Variants in SRPK2 observed in about 807,000 individuals in gnomAD.
The protein encoded by SRPK2 is SFRS protein kinase 2.
A neutral mutation model predicts 90.8 loss-of-function variants in SRPK2; 21 were observed. The observed-to-expected ratio is 0.23, with a 90% CI of 0.16 to 0.33. SRPK2 has a LOEUF of 0.33. Ranked by LOEUF, SRPK2 falls within the 10% of genes least tolerant of loss-of-function variation. The probability of loss-of-function intolerance (pLI) is 1.00; values close to 1 mark genes in which losing one functional copy is unlikely to be tolerated. For synonymous variants in SRPK2, 288 were observed against 311.1 expected (o/e 0.93, Z 0.78); for missense variants, 620 against 869.0 (o/e 0.71, Z 3.60).
intron 3 of SRPK2, among the ~76,000 whole-genome samples, chr7:105,199,516 G>A (rs141602533): frequency 1.3e-5 from 2 of 152,290 alleles, no homozygotes; most frequent in African/African-American, 2.4e-5. Context: ...AATCAACAAA[G>A]GATGTCAGAG....
At chr7:105,263,069 G>T (rs1804535925) in intron 2 of SRPK2, among the ~76,000 whole-genome samples, 1 of 152,194 alleles carries the variant, frequency 6.6e-6, no homozygotes, top group Non-Finnish European at 1.5e-5. Flanking sequence ...GCTCACACCT[G>T]TAATCCTAGC....
At chr7:105,122,320 T>G (rs1800502318) in intron 15 of SRPK2, among the ~76,000 whole-genome samples, 1 of 152,210 alleles carries the variant, frequency 6.6e-6, no homozygotes, top group Non-Finnish European at 1.5e-5. Flanking sequence ...AATTTATACT[T>G]AAACTTTCAC....
At chr7:105,198,127 G>A (rs868015080) in intron 3 of SRPK2, among the ~76,000 whole-genome samples, 5 of 152,204 alleles carry the variant, frequency 3.3e-5, no homozygotes, top group Non-Finnish European at 7.3e-5. Flanking sequence ...GATACATGCA[G>A]ACCTTAGAAT....
rs2129570883 is a variant in SRPK2 at position 105,117,777 on chromosome 7, C to T, written c.*61G>A. On this transcript the variant is annotated 3_prime_UTR_variant, in exon 16 of 16. Transcript: ENST00000393651. ...AATCCTGTTAAAGAATGAGAGTCACCGTTTAGGTCCAATGTACTGGGAACA... is the reference window on the plus strand; with the variant it reads ...AATCCTGTTAAAGAATGAGAGTCACTGTTTAGGTCCAATGTACTGGGAACA... 1.9e-6 allele frequency: 3 copies of T among 1,553,978 alleles called. No homozygotes were observed. Among genetic ancestry groups the T allele is most frequent in the Non-Finnish European group, 1.8e-6 (2 of 1,132,048 alleles).
At chr7:105,125,604 T>G (rs1286185987) in intron 15 of SRPK2, among the ~76,000 whole-genome samples, 2 of 152,228 alleles carry the variant, frequency 1.3e-5, no homozygotes, top group African/African-American at 4.8e-5. Context: ...GGCTGTTCTC[T>G]TACAAAATTC....
At chr7:105,230,189 G>C (rs1799250444) in intron 2 of SRPK2, among the ~76,000 whole-genome samples, 2 of 152,176 alleles carry the variant, frequency 1.3e-5, no homozygotes, top group Admixed American at 6.5e-5. Flanking sequence ...TAATAAAACA[G>C]AAAGGTACAA....
chr7:105,378,013 T>G (rs1396649903), intron 2 of SRPK2, among the ~76,000 whole-genome samples: 1 of 151,998 alleles, frequency 6.6e-6, no homozygotes, highest in Admixed American at 6.6e-5. Flanking sequence ...CCTGAGTGTG[T>G]ACCCCTTAAC....
At chr7:105,389,405 AGGGCACACGACCAAAAGCT>A, upstream of SRPK2, 1 of 1,240,026 alleles carries the variant, frequency 8.1e-7, no homozygotes, top group Non-Finnish European at 1.0e-6. Flanking sequence ...AGGCGTGGAA[AGGGCACACGACCAAAAGCT>A]GGGAAACCTG....
chr7:105,353,303 T>A (rs966030898), intron 2 of SRPK2, among the ~76,000 whole-genome samples: 4 of 152,102 alleles, frequency 2.6e-5, no homozygotes, highest in Non-Finnish European at 4.4e-5. Context: ...AAAATGAGAA[T>A]AATAGTGCTG....
intron 2 of SRPK2, among the ~76,000 whole-genome samples, chr7:105,312,451 A>AAAAAAAAAAAC (rs1205793990): frequency 6.6e-6 from 1 of 151,536 alleles, no homozygotes; most frequent in Non-Finnish European, 1.5e-5. Context: ...AAAAAAAAAA[A>AAAAAAAAAAAC]AAACAAGCGG....
At chr7:105,242,855 C>G (rs1208926134) in intron 2 of SRPK2, among the ~76,000 whole-genome samples, 1 of 152,142 alleles carries the variant, frequency 6.6e-6, no homozygotes, top group Non-Finnish European at 1.5e-5. Flanking sequence ...CTGCAGCTAT[C>G]AACTGAACAT....
At chr7:105,119,229 A>C (rs994559911) in intron 15 of SRPK2, among the ~76,000 whole-genome samples, 6 of 151,774 alleles carry the variant, frequency 4.0e-5, no homozygotes, top group Non-Finnish European at 7.4e-5. Context: ...TTTTCATGAG[A>C]TGCATCAATA....
chr7:105,238,297 A>G (rs1181868237), intron 2 of SRPK2, among the ~76,000 whole-genome samples: 1 of 152,188 alleles, frequency 6.6e-6, no homozygotes, highest in African/African-American at 2.4e-5. Context: ...GGGTGAGAAA[A>G]GATGCTGAGA....
chr7:105,264,404 T>C (rs755242277), intron 2 of SRPK2, among the ~76,000 whole-genome samples: 9 of 152,218 alleles, frequency 5.9e-5, no homozygotes, highest in Non-Finnish European at 8.8e-5. Flanking sequence ...TACCCTTATA[T>C]TGGAGAAGGG....
At chr7:105,183,565 C>A (rs890053046) in intron 3 of SRPK2, among the ~76,000 whole-genome samples, 1 of 152,174 alleles carries the variant, frequency 6.6e-6, no homozygotes, top group South Asian at 2.1e-4. Context: ...CAGATCACTG[C>A]AATCTCCACC....
chr7:105,291,231 T>TC (rs1370993162), intron 2 of SRPK2, among the ~76,000 whole-genome samples: 1 of 152,172 alleles, frequency 6.6e-6, no homozygotes, highest in African/African-American at 2.4e-5. Flanking sequence ...CAGAGCACTT[T>TC]CTGGGCCATA....
intron 2 of SRPK2, among the ~76,000 whole-genome samples, chr7:105,343,706 A>G (rs181111024): frequency 4.6e-5 from 7 of 152,344 alleles, no homozygotes; most frequent in East Asian, 1.9e-4. Context: ...CAAATGAATT[A>G]TAAGTCCCCA....
At chr7:105,244,834 G>A in intron 2 of SRPK2, 1 of 1,033,000 alleles carries the variant, frequency 9.7e-7, no homozygotes, top group South Asian at 1.3e-5. Flanking sequence ...AGGAGTTACT[G>A]AAAGGTCTCC....
intron 2 of SRPK2, among the ~76,000 whole-genome samples, chr7:105,278,389 T>C (rs1323589513): frequency 1.3e-5 from 2 of 148,558 alleles, no homozygotes; most frequent in South Asian, 2.1e-4. Context: ...TTTGCAAAAA[T>C]GAGGCTGGGC....
Sources: allele counts gnomAD v4.1 joint callset (sites outside exome capture counted in the v4.1 genomes callset), GRCh38; gene constraint gnomAD v4.1.1; transcripts MANE v1.5; gene names NCBI Gene and HGNC (gene_info 2026-07-23, HGNC 2026-07-21).